Variants in GNAQ observed in about 807,000 individuals in gnomAD.
GNAQ encodes guanine nucleotide-binding protein G(q) subunit alpha.
In GNAQ, 8 loss-of-function variants were observed where a neutral mutation model predicts 43.9. That is an observed-to-expected ratio of 0.18 (90% CI 0.11 to 0.33). The LOEUF is 0.33. GNAQ is among the 10% of genes least tolerant of loss of function. The pLI is 1.00. For missense variants in GNAQ, 158 were observed against 450.8 expected (o/e 0.35, Z 5.88); for synonymous variants, 155 against 170.7 (o/e 0.91, Z 0.71).
At position 77,719,094 on chromosome 9, in the gene GNAQ, T is replaced by C. The variant is rs1182935322; in HGVS notation, c.*2229A>G. 2 of 231,888 alleles carry C rather than the reference T, an allele frequency of 8.6e-6. No homozygotes were observed. 14.4% of individuals were successfully genotyped at this position (231,888 alleles called of 1,614,324 possible). ...ATGATTTTATACAGCACGACGCTAG[T>C]ACCGCTCTGTATGACAGTAAGGTTT... is the stretch of plus-strand genomic sequence containing the variant. On this transcript the variant is annotated 3_prime_UTR_variant, in exon 7 of 7. Coordinates refer to ENST00000286548, the MANE Select transcript of GNAQ (RefSeq NM_002072.5).
intron 1 of GNAQ, among the ~76,000 whole-genome samples, chr9:77,996,127 G>A (rs1823564499): frequency 6.6e-6 from 1 of 152,230 alleles, no homozygotes; most frequent in African/African-American, 2.4e-5. Flanking sequence ...TTGGGAGGCT[G>A]CAGAACTGCC....
chr9:78,003,571 T>C (rs948541796), intron 1 of GNAQ, among the ~76,000 whole-genome samples: 3 of 152,068 alleles, frequency 2.0e-5, no homozygotes, highest in African/African-American at 7.2e-5. Context: ...TCCCAGCATT[T>C]TGGGAGGCCG....
intron 1 of GNAQ, among the ~76,000 whole-genome samples, chr9:77,927,245 T>C (rs1440675223): frequency 1.3e-5 from 2 of 152,218 alleles, no homozygotes; most frequent in Non-Finnish European, 2.9e-5. Context: ...TTGCATGATA[T>C]AGTCTGCAAA....
intron 2 of GNAQ, among the ~76,000 whole-genome samples, chr9:77,913,203 A>T (rs1828837787): frequency 6.6e-6 from 1 of 152,108 alleles, no homozygotes; most frequent in African/African-American, 2.4e-5. Context: ...AAAGAAATGC[A>T]GACTTATGTT....
At chr9:77,761,327 G>GC (rs1826014107) in intron 5 of GNAQ, among the ~76,000 whole-genome samples, 1 of 120,634 alleles carries the variant, frequency 8.3e-6, no homozygotes, top group African/African-American at 3.0e-5. Flanking sequence ...GGAGGTGGGG[G>GC]GTCAGCCCCC....
intron 5 of GNAQ, among the ~76,000 whole-genome samples, chr9:77,789,163 T>C (rs776610838): frequency 3.9e-5 from 6 of 152,286 alleles, no homozygotes; most frequent in South Asian, 4.2e-4. Flanking sequence ...TGTCCTTTCA[T>C]CCAGATTTTT....
intron 5 of GNAQ, among the ~76,000 whole-genome samples, chr9:77,733,933 T>C (rs1825534233): frequency 6.6e-6 from 1 of 152,202 alleles, no homozygotes; most frequent in South Asian, 2.1e-4. Flanking sequence ...AACATTCCTC[T>C]GATTAAGGAG....
intron 1 of GNAQ, among the ~76,000 whole-genome samples, chr9:78,027,594 C>CA (rs1037590204): frequency 2.0e-5 from 3 of 150,838 alleles, no homozygotes; most frequent in Non-Finnish European, 3.0e-5. Context: ...CTACTAAATG[C>CA]AAAAAAAATA....
In GNAQ at chr9:77,801,468, A is replaced by G. The variant is rs77898404; in HGVS notation, c.477-3820T>C. 4.7e-3 allele frequency among the ~76,000 whole-genome samples: 711 copies of G among 152,332 alleles called. 5 individuals carry two copies. The highest frequency in any genetic ancestry group is 0.016 in the African/African-American group (658 of 41,574). ...GCTCTGTTCTGTCTGTTCATTGCCCAGGTATCAACACAGTTCACAGCAATG... is the reference window on the plus strand; with the variant it reads ...GCTCTGTTCTGTCTGTTCATTGCCCGGGTATCAACACAGTTCACAGCAATG... On this transcript the variant is annotated intron_variant, in intron 3 of 6. Transcript: ENST00000286548.
intron 5 of GNAQ, among the ~76,000 whole-genome samples, chr9:77,751,466 C>T (rs570236756): frequency 1.3e-5 from 2 of 152,248 alleles, no homozygotes; most frequent in East Asian, 1.9e-4. Context: ...GTAATAAATT[C>T]ATATGCAATC....
chr9:78,003,569 T>C (rs540288282), intron 1 of GNAQ, among the ~76,000 whole-genome samples: 11 of 151,956 alleles, frequency 7.2e-5, no homozygotes, highest in Admixed American at 7.2e-4. Context: ...AATCCCAGCA[T>C]TTTGGGAGGC....
intron 5 of GNAQ, among the ~76,000 whole-genome samples, chr9:77,759,391 T>C (rs1302110400): frequency 6.7e-6 from 1 of 148,640 alleles, no homozygotes; most frequent in African/African-American, 2.5e-5. Context: ...AATTCAATCA[T>C]ATCAAAATGA....
chr9:77,814,995 T>C (rs1006378069), intron 3 of GNAQ, among the ~76,000 whole-genome samples: 1 of 152,222 alleles, frequency 6.6e-6, no homozygotes, highest in Non-Finnish European at 1.5e-5. Flanking sequence ...ATTTCTAGGA[T>C]GTAAATCTTT....
At chr9:78,010,374 A>G (rs1389952419) in intron 1 of GNAQ, among the ~76,000 whole-genome samples, 3 of 152,320 alleles carry the variant, frequency 2.0e-5, no homozygotes, top group South Asian at 2.1e-4. Context: ...TTTCAGCTCA[A>G]TGAAAGATTT....
intron 5 of GNAQ, among the ~76,000 whole-genome samples, chr9:77,785,713 C>G (rs533930081): frequency 3.3e-5 from 5 of 152,254 alleles, no homozygotes; most frequent in African/African-American, 1.2e-4. Flanking sequence ...GTTAACTGAT[C>G]ATGCAGACAA....
chr9:77,730,820 C>A (rs114356240), intron 5 of GNAQ, among the ~76,000 whole-genome samples: 8 of 151,990 alleles, frequency 5.3e-5, no homozygotes, highest in Non-Finnish European at 1.0e-4. Context: ...GAAATGATAT[C>A]TTGTAGCTTG....
intron 1 of GNAQ, among the ~76,000 whole-genome samples, chr9:77,961,523 G>A (rs1018090448): frequency 1.7e-4 from 26 of 152,124 alleles, no homozygotes; most frequent in Non-Finnish European, 3.1e-4. Context: ...AGAAACATGG[G>A]AACACATAGT....
At position 77,898,150 on chromosome 9, in the gene GNAQ, C is replaced by A. The variant is rs749571; in HGVS notation, c.321+24011G>T. Among the ~76,000 whole-genome samples, 180 of 152,240 alleles carry A rather than the reference C, an allele frequency of 1.2e-3. 1 individual carries two copies. In the South Asian group the frequency reaches 0.029, roughly 25 times the overall value. ...GTTCTGTCACTGGATAATCCAGGCT[C>A]TTCTCCCTCTTTCTCTACAATCTGA... On this transcript the variant is annotated intron_variant, in intron 2 of 6. Transcript: ENST00000286548.
intron 1 of GNAQ, among the ~76,000 whole-genome samples, chr9:77,995,320 A>G (rs1823555489): frequency 6.6e-6 from 1 of 152,194 alleles, no homozygotes; most frequent in African/African-American, 2.4e-5. Flanking sequence ...ACTGTCTTAC[A>G]CTACTTCTCT....
Sources: allele counts gnomAD v4.1 joint callset (sites outside exome capture counted in the v4.1 genomes callset), GRCh38; gene constraint gnomAD v4.1.1; transcripts MANE v1.5; gene names NCBI Gene and HGNC (gene_info 2026-07-23, HGNC 2026-07-21).